Variants in CA8 observed in about 807,000 individuals in gnomAD.
CA8 encodes carbonic anhydrase-related protein.
In CA8, 22 loss-of-function variants were observed where a neutral mutation model predicts 41.4. The ratio of observed to expected loss-of-function variants is 0.53; its 90% CI spans 0.38 to 0.76. CA8 has a LOEUF of 0.76. CA8 is among the 30% of genes least tolerant of loss of function. The probability of loss-of-function intolerance (pLI) is 0.00; values close to 1 mark genes in which losing one functional copy is unlikely to be tolerated. For missense variants in CA8, 270 were observed against 352.8 expected (o/e 0.77, Z 1.88); for synonymous variants, 121 against 130.6 (o/e 0.93, Z 0.50).
At chr8:60,206,583 C>T (rs1221454006) in intron 8 of CA8, among the ~76,000 whole-genome samples, 1 of 151,960 alleles carries the variant, frequency 6.6e-6, no homozygotes, top group African/African-American at 2.4e-5. Context: ...CCCCCGCTGC[C>T]TCTTGGCCTC....
At chr8:60,259,464 T>C (rs1251710509) in intron 3 of CA8, among the ~76,000 whole-genome samples, 1 of 152,216 alleles carries the variant, frequency 6.6e-6, no homozygotes. Flanking sequence ...TGGCAAAGAA[T>C]GAACTACTAA....
Position 60,280,433 on chromosome 8 carries a change from T to C in CA8, c.101-553A>G, listed in dbSNP as rs1041601405. 3.3e-5 allele frequency among the ~76,000 whole-genome samples: 5 copies of C among 152,340 alleles called. No homozygotes were observed. The South Asian group carries it at 8.3e-4, about 25-fold the overall frequency. ...TATATATTCTATATTGGTTTCAACA[T>C]ATGTAGTAAACATCAGCACTACTGG... On this transcript the variant is annotated intron_variant, in intron 1 of 8. Transcript: ENST00000317995.
chr8:60,242,974 C>A (rs1808092746), intron 3 of CA8, among the ~76,000 whole-genome samples: 2 of 152,206 alleles, frequency 1.3e-5, no homozygotes, highest in Admixed American at 6.5e-5. Context: ...ATAATGCATT[C>A]CATTATAGAA....
intron 2 of CA8, among the ~76,000 whole-genome samples, chr8:60,273,066 T>C (rs1804120518): frequency 6.6e-6 from 1 of 152,222 alleles, no homozygotes; most frequent in African/African-American, 2.4e-5. Flanking sequence ...TGCTCTCATG[T>C]ATAGTATTAT....
At chr8:60,254,544 T>G (rs1808559447) in intron 3 of CA8, among the ~76,000 whole-genome samples, 1 of 152,204 alleles carries the variant, frequency 6.6e-6, no homozygotes, top group African/African-American at 2.4e-5. Flanking sequence ...ATCTGTAATA[T>G]TTGTTCTCCG....
In CA8 at chr8:60,208,621, C is replaced by T. The variant is rs182728004; in HGVS notation, c.*35+129G>A. On this transcript the variant is annotated intron_variant, in intron 8 of 8. Coordinates refer to ENST00000317995, the MANE Select transcript of CA8 (RefSeq NM_004056.6). ...TAATTAACAGAGCTCAAGAATGTGT[C>T]ATAAATTTTATCAAGATGAAGTACA... is the stretch of plus-strand genomic sequence containing the variant. 238 of 795,848 alleles carry T rather than the reference C, an allele frequency of 3.0e-4. 1 individual carries two copies. In the African/African-American group the frequency reaches 3.7e-3, roughly 12 times the overall value. 49.3% of individuals were successfully genotyped at this position (795,848 alleles called of 1,614,324 possible).
chr8:60,229,076 A>C (rs1458074103), intron 4 of CA8, among the ~76,000 whole-genome samples: 2 of 151,344 alleles, frequency 1.3e-5, no homozygotes, highest in Non-Finnish European at 2.9e-5. Flanking sequence ...CTCACCTCTC[A>C]CCTTTGCTGT....
At chr8:60,213,959 TC>T (rs1242090486) in intron 7 of CA8, among the ~76,000 whole-genome samples, 1 of 152,094 alleles carries the variant, frequency 6.6e-6, no homozygotes, top group Non-Finnish European at 1.5e-5. Context: ...TCTCAAAGTA[TC>T]CTCCCAGAAT....
intron 8 of CA8, among the ~76,000 whole-genome samples, chr8:60,206,538 A>G (rs1323751132): frequency 6.6e-6 from 1 of 152,130 alleles, no homozygotes; most frequent in African/African-American, 2.4e-5. Flanking sequence ...AGACTGGAGA[A>G]ATGCATAAAT....
chr8:60,258,819 C>T (rs997804204), intron 3 of CA8, among the ~76,000 whole-genome samples: 3 of 152,086 alleles, frequency 2.0e-5, no homozygotes, highest in Admixed American at 1.3e-4. Flanking sequence ...AATTTAATGC[C>T]ACCGCTGATC....
intron 7 of CA8, among the ~76,000 whole-genome samples, chr8:60,222,082 C>T (rs1392049500): frequency 2.0e-5 from 3 of 152,172 alleles, no homozygotes; most frequent in African/African-American, 4.8e-5. Context: ...TCATGTTCCA[C>T]CAGCTAACAT....
chr8:60,237,175 A>AT (rs1807862435), intron 3 of CA8, among the ~76,000 whole-genome samples: 1 of 152,218 alleles, frequency 6.6e-6, no homozygotes, highest in Non-Finnish European at 1.5e-5. Flanking sequence ...TTTCAGTCCT[A>AT]CAACTCTTTA....
rs1807457640 is a variant in CA8, at chr8:60,226,855, T to C, written c.576+18A>G. 4.0e-6 allele frequency: 6 copies of C among 1,485,214 alleles called. No homozygotes were observed. The highest frequency in any genetic ancestry group is 5.6e-6 in the Non-Finnish European group (6 of 1,063,404). 92.0% of individuals were successfully genotyped at this position (1,485,214 alleles called of 1,614,324 possible). A position where few individuals can be genotyped will look rare whatever the true frequency, so the allele number is the denominator to read the frequency against. Reference sequence around the variant, plus strand: ...CTACACAACCAGTATTTCTATATTATTTTAAATAATGACTTACCTTATACT... The same window carrying C: ...CTACACAACCAGTATTTCTATATTACTTTAAATAATGACTTACCTTATACT... On this transcript the variant is annotated intron_variant, in intron 5 of 8. Coordinates refer to ENST00000317995, the MANE Select transcript of CA8 (RefSeq NM_004056.6).
rs1273587565 is a variant in CA8, at chr8:60,187,635, T to C, written c.*2386A>G. On this transcript the variant is annotated 3_prime_UTR_variant, in exon 9 of 9. Transcript: ENST00000317995. ...AAAGAGTAAACTCAAATTATCTTAATTGGCAAACCTTCTGACAACAGTATT... is the reference window on the plus strand; with the variant it reads ...AAAGAGTAAACTCAAATTATCTTAACTGGCAAACCTTCTGACAACAGTATT... The C allele has an allele frequency of 2.0e-5, 3 of 152,168 alleles. No individual in the cohort carries two copies. The highest frequency in any genetic ancestry group is 4.8e-5 in the African/African-American group (2 of 41,464). The allele number at this position is 152,168 out of a possible 1,614,324, so 9.4% of individuals were successfully genotyped here.
intron 3 of CA8, among the ~76,000 whole-genome samples, chr8:60,242,968 T>C (rs1360478135): frequency 2.6e-5 from 4 of 152,222 alleles, no homozygotes; most frequent in Non-Finnish European, 5.9e-5. Context: ...TAACTAATAA[T>C]GCATTCCATT....
In CA8 at chr8:60,256,537, G is replaced by A. The variant is rs1043737571; in HGVS notation, c.417+9388C>T. Among the ~76,000 whole-genome samples the A allele has an allele frequency of 6.6e-5, 10 of 152,138 alleles. No homozygotes were observed. In the South Asian group the frequency reaches 1.0e-3, roughly 16 times the overall value. ...AGCACAGCAAAGCAGTAGCAAGGGC[G>A]CAAATATCTTACTAACATCCCTGTG... On this transcript the variant is annotated intron_variant, in intron 3 of 8. Transcript: ENST00000317995.
At chr8:60,208,531 G>A in intron 8 of CA8, 1 of 537,538 alleles carries the variant, frequency 1.9e-6, no homozygotes, top group Non-Finnish European at 3.3e-6. Flanking sequence ...AGGCTACTCT[G>A]ATAGGAAAAT....
chr8:60,278,677 G>C (rs1232053934), intron 2 of CA8, among the ~76,000 whole-genome samples: 1 of 152,172 alleles, frequency 6.6e-6, no homozygotes, highest in Non-Finnish European at 1.5e-5. Context: ...ACTAAACTCA[G>C]AACAGCGAAG....
chr8:60,273,026 T>C (rs1804119586), intron 2 of CA8, among the ~76,000 whole-genome samples: 1 of 152,216 alleles, frequency 6.6e-6, no homozygotes, highest in South Asian at 2.1e-4. Flanking sequence ...AGAGGATCAG[T>C]AGCTATTTAC....
Sources: gnomAD v4.1 joint callset for allele counts (sites outside exome capture counted in the v4.1 genomes callset) on GRCh38, gnomAD v4.1.1 for gene constraint, MANE v1.5 for transcripts, NCBI Gene and HGNC (gene_info 2026-07-23, HGNC 2026-07-21) for gene names.